The following RREB1 variants were observed in gnomAD, a reference collection of about 807,000 sequenced individuals.
RREB1 encodes ras-responsive element-binding protein 1.
Under a neutral mutation model 117.8 loss-of-function variants are expected in RREB1, and 27 were observed. The ratio of observed to expected loss-of-function variants is 0.23; its 90% CI spans 0.17 to 0.32. RREB1 has a LOEUF of 0.32. Among genes scored for constraint, RREB1 ranks in the 10% least tolerant of loss-of-function variants. The pLI, the probability that RREB1 is intolerant of heterozygous loss-of-function variation, is 1.00. For missense variants in RREB1, 2,577 were observed against 2,378.2 expected (o/e 1.08, Z -1.74); for synonymous variants, 1,298 against 1,026.7 (o/e 1.26, Z -5.05).
At chr6:7,191,220 CA>C (rs1234879426) in intron 6 of RREB1, among the ~76,000 whole-genome samples, 2 of 149,784 alleles carry the variant, frequency 1.3e-5, no homozygotes, top group African/African-American at 2.5e-5. Flanking sequence ...ATTCACTTTT[CA>C]TTTTTTTTTT....
intron 1 of RREB1, among the ~76,000 whole-genome samples, chr6:7,156,255 C>T (rs79601563): frequency 6.6e-6 from 1 of 152,196 alleles, no homozygotes; most frequent in Non-Finnish European, 1.5e-5. Context: ...CACTTCCTTT[C>T]CCTTCATCAC....
chr6:7,209,446 T>C (rs1419951726), intron 6 of RREB1, among the ~76,000 whole-genome samples: 1 of 152,228 alleles, frequency 6.6e-6, no homozygotes, highest in Non-Finnish European at 1.5e-5. Flanking sequence ...CCTCAAATCA[T>C]AATCACTTTG....
At chr6:7,233,100 T>C (rs1768102229) in intron 10 of RREB1, among the ~76,000 whole-genome samples, 1 of 152,224 alleles carries the variant, frequency 6.6e-6, no homozygotes, top group Non-Finnish European at 1.5e-5. Context: ...TTCACCATGT[T>C]GGCCAGACTG....
intron 1 of RREB1, among the ~76,000 whole-genome samples, chr6:7,128,012 A>G (rs1388929361): frequency 6.6e-6 from 1 of 152,174 alleles, no homozygotes; most frequent in Non-Finnish European, 1.5e-5. Context: ...TAATTATTGT[A>G]GAGGCACAAC....
intron 1 of RREB1, among the ~76,000 whole-genome samples, chr6:7,117,112 T>C (rs1405327020): frequency 6.6e-6 from 1 of 152,214 alleles, no homozygotes; most frequent in Non-Finnish European, 1.5e-5. Context: ...AATCTTGCTT[T>C]ATGTGTTTGT....
At chr6:7,130,816 C>T (rs905855687) in intron 1 of RREB1, among the ~76,000 whole-genome samples, 1 of 151,872 alleles carries the variant, frequency 6.6e-6, no homozygotes, top group Non-Finnish European at 1.5e-5. Context: ...GGGGTTTTAC[C>T]ATGTCGGCCA....
intron 1 of RREB1, among the ~76,000 whole-genome samples, chr6:7,113,305 C>A (rs942648636): frequency 2.0e-5 from 3 of 152,136 alleles, no homozygotes; most frequent in Non-Finnish European, 4.4e-5. Context: ...CTTTTAAATG[C>A]TCTATTTGTT....
At chr6:7,239,162 GGCCCCTGT>G (rs1768525545) in intron 10 of RREB1, among the ~76,000 whole-genome samples, 1 of 152,248 alleles carries the variant, frequency 6.6e-6, no homozygotes. Context: ...TAACGCCAGA[GGCCCCTGT>G]GATCTGTGTT....
Position 7,246,770 on chromosome 6 carries a change from C to T in RREB1, c.4320C>T (p.Gly1440=), listed in dbSNP as rs1165958122. Residue 1440 remains glycine (G), a synonymous_variant, in exon 12 of 13, where the codon GGC becomes GGT. Coordinates refer to ENST00000379938, the MANE Select transcript of RREB1 (RefSeq NM_001003699.4). The part of the protein sequence containing the change: ...AEGDGEAGAG[G]AASQEQKLAC... ...GCGACGGCGAGGCAGGCGCCGGGGGCGCGGCCTCGCAGGAGCAGAAGCTCG... is the reference window on the plus strand; with the variant it reads ...GCGACGGCGAGGCAGGCGCCGGGGGTGCGGCCTCGCAGGAGCAGAAGCTCG... 6.4e-7 allele frequency: 1 copy of T among 1,553,934 alleles called. No homozygotes were observed. Among genetic ancestry groups the T allele is most frequent in the South Asian group, 1.2e-5 (1 of 84,276 alleles).
rs553102613 is a variant in RREB1 at position 7,108,778 on chromosome 6, G to T, written c.-285+718G>T. On this transcript the variant is annotated intron_variant, in intron 1 of 12. Coordinates refer to ENST00000379938, the MANE Select transcript of RREB1 (RefSeq NM_001003699.4). ...GCTGCTCGGTGGGAGCATCCGCCGC[G>T]CCCTGCTCTGCGGACTTTGAACCTC... The T allele has an allele frequency of 9.2e-3, 1,393 of 151,604 alleles. 25 individuals carry two copies. The highest frequency in any genetic ancestry group is 0.032 in the African/African-American group (1,330 of 41,358). 9.4% of individuals were successfully genotyped at this position (151,604 alleles called of 1,614,324 possible).
Position 7,181,946 on chromosome 6 carries a change from CA to C in RREB1, c.36del (p.Asp13ThrfsTer8). 1 of 1,614,242 alleles carries C rather than the reference CA, an allele frequency of 6.2e-7. No individual in the cohort carries two copies. Among genetic ancestry groups the C allele is most frequent in the Non-Finnish European group, 8.5e-7 (1 of 1,180,026 alleles). On this transcript the variant is annotated frameshift_variant, in exon 4 of 13. Transcript: ENST00000379938. LOFTEE classifies it high-confidence loss of function. Reference sequence around the variant, plus strand: ...AGTTCGCCCGCTGGCTTGGAAGGTTCAGACCTATCTTCCATCAACACCATGA... The same window carrying C: ...AGTTCGCCCGCTGGCTTGGAAGGTTCGACCTATCTTCCATCAACACCATGA... ...TSSSPAGLEG[S>X]DLSSINTMMS...
Position 7,231,000 on chromosome 6 carries a change from G to C in RREB1, c.2901G>C (p.Glu967Asp), listed in dbSNP as rs762182619. 1.2e-6 allele frequency: 2 copies of C among 1,614,168 alleles called. No homozygotes were observed. Among genetic ancestry groups the C allele is most frequent in the Admixed American group, 1.7e-5 (1 of 60,026 alleles). Residue 967 changes from glutamate to aspartate, a missense_variant, in exon 10 of 13, where the codon GAG (glutamate) becomes GAC (aspartate). Transcript: ENST00000379938. ...CTGAGGAGGAGGCGGGGAGCAGCGA[G>C]CAGCCCTCTCCCTGCCCAGCACCCG... ...KKPEEEAGSS[E>D]QPSPCPAPGP...
intron 8 of RREB1, among the ~76,000 whole-genome samples, chr6:7,221,812 T>TA (rs1381282006): frequency 1.3e-5 from 2 of 152,364 alleles, no homozygotes; most frequent in South Asian, 4.1e-4. Flanking sequence ...ATTGTGAAGT[T>TA]CTTGAAAGTG....
At chr6:7,220,452 G>A (rs1462879146) in intron 8 of RREB1, among the ~76,000 whole-genome samples, 3 of 151,996 alleles carry the variant, frequency 2.0e-5, no homozygotes, top group African/African-American at 4.8e-5. Context: ...GTAATGTAGT[G>A]TGATTTTAAA....
intron 8 of RREB1, chr6:7,212,713 G>C (rs558521195): frequency 3.3e-5 from 5 of 152,198 alleles, no homozygotes; most frequent in African/African-American, 9.6e-5. Flanking sequence ...GCATCTGTTT[G>C]CCTGAATCCC....
chr6:7,108,959 C>T (rs1324031125), intron 1 of RREB1, among the ~76,000 whole-genome samples: 1 of 151,200 alleles, frequency 6.6e-6, no homozygotes, highest in Non-Finnish European at 1.5e-5. Context: ...GTTCCCTCGC[C>T]CTTCCGTTGG....
intron 10 of RREB1, among the ~76,000 whole-genome samples, chr6:7,233,169 TACA>T (rs1768107093): frequency 6.6e-6 from 1 of 152,236 alleles, no homozygotes; most frequent in Non-Finnish European, 1.5e-5. Flanking sequence ...GTGCTGGGAT[TACA>T]GGCGTGAGTC....
intron 1 of RREB1, among the ~76,000 whole-genome samples, chr6:7,112,326 G>C (rs1247662205): frequency 1.3e-5 from 2 of 152,202 alleles, no homozygotes; most frequent in Non-Finnish European, 2.9e-5. Context: ...TGAATGGTAA[G>C]CCTGTTGTAA....
chr6:7,227,543 A>G (rs536434476), intron 9 of RREB1, among the ~76,000 whole-genome samples: 6 of 56,954 alleles, frequency 1.1e-4, no homozygotes, highest in Non-Finnish European at 9.5e-5. Flanking sequence ...TCCGTCTAAG[A>G]AAAAAAAAAT....
Sources: gnomAD v4.1 joint callset for allele counts (sites outside exome capture counted in the v4.1 genomes callset) on GRCh38, gnomAD v4.1.1 for gene constraint, MANE v1.5 for transcripts, NCBI Gene and HGNC (gene_info 2026-07-23, HGNC 2026-07-21) for gene names.